The following RSU1 variants were observed in gnomAD, a reference collection of about 807,000 sequenced individuals.
RSU1 encodes Ras suppressor protein 1.
In RSU1, 26 loss-of-function variants were observed where a neutral mutation model predicts 31.1. The ratio of observed to expected loss-of-function variants is 0.84; its 90% CI spans 0.61 to 1.16. RSU1 has a LOEUF of 1.16. Among genes scored for constraint, RSU1 ranks in the 50% most tolerant of loss-of-function variants. The pLI, the probability that RSU1 is intolerant of heterozygous loss-of-function variation, is 0.00. For synonymous variants in RSU1, 164 were observed against 136.3 expected (o/e 1.20, Z -1.41); for missense variants, 320 against 339.1 (o/e 0.94, Z 0.44).
chr10:16,752,809 G>T (rs1469595607), intron 6 of RSU1, 109 bp downstream of exon 6: 2 of 1,074,020 alleles, frequency 1.9e-6, no homozygotes, highest in Non-Finnish European at 2.8e-6. Context: ...CAGGAGTAGT[G>T]GTTTATTCCC....
In RSU1 at chr10:16,646,002, A is replaced by G. The variant is rs201995945; in HGVS notation, c.731+49021T>C. ...TGTATATACATATATGTGTATATAT[A>G]TGTGTATATACATATATGTGTATAT... On this transcript the variant is annotated intron_variant, in intron 8 of 8. Coordinates refer to ENST00000345264, the MANE Select transcript of RSU1 (RefSeq NM_012425.4). 3.9e-4 allele frequency among the ~76,000 whole-genome samples: 25 copies of G among 64,780 alleles called. 3 individuals are homozygous for G. Among genetic ancestry groups the G allele is most frequent in the Admixed American group, 7.1e-4 (4 of 5,662 alleles). The allele number at this position is 64,780 out of a possible 152,430, so 42.5% of individuals were successfully genotyped here.
chr10:16,704,623 C>A (rs953054776), intron 7 of RSU1, among the ~76,000 whole-genome samples: 1 of 152,238 alleles, frequency 6.6e-6, no homozygotes, highest in Non-Finnish European at 1.5e-5. Context: ...ACCTCCCTCA[C>A]AGGGCCCAGA....
intron 8 of RSU1, among the ~76,000 whole-genome samples, chr10:16,654,010 A>AT (rs368529174): frequency 9.3e-5 from 14 of 149,856 alleles, no homozygotes; most frequent in African/African-American, 1.7e-4. Flanking sequence ...CTTCTTTTTC[A>AT]TTTTTTTTTG....
chr10:16,744,215 A>G (rs919924855), intron 7 of RSU1, among the ~76,000 whole-genome samples: 5 of 152,154 alleles, frequency 3.3e-5, no homozygotes, highest in Non-Finnish European at 7.4e-5. Context: ...TTCTTTTTCT[A>G]TAATGCTTTT....
At chr10:16,656,251 G>A (rs1026270477) in intron 8 of RSU1, among the ~76,000 whole-genome samples, 1 of 151,824 alleles carries the variant, frequency 6.6e-6, no homozygotes, top group African/African-American at 2.4e-5. Context: ...ATACAGATTT[G>A]CCTTGGGATA....
rs7092426 is a variant in RSU1 at position 16,669,593 on chromosome 10, T to C, written c.731+25430A>G. 9.0e-3 allele frequency among the ~76,000 whole-genome samples: 1,371 copies of C among 152,216 alleles called. 20 individuals are homozygous for C. Among genetic ancestry groups the C allele is most frequent in the African/African-American group, 0.032 (1,310 of 41,532 alleles). ...CATTTCTTCATCTTCTTTTTTTTGT[T>C]TGTTTTATGTGTGTGTGTTGTTCCC... is the stretch of plus-strand genomic sequence containing the variant. On this transcript the variant is annotated intron_variant, in intron 8 of 8. Coordinates refer to ENST00000345264, the MANE Select transcript of RSU1 (RefSeq NM_012425.4).
At chr10:16,765,450 A>G (rs1214156117) in intron 3 of RSU1, among the ~76,000 whole-genome samples, 1 of 152,204 alleles carries the variant, frequency 6.6e-6, no homozygotes, top group Non-Finnish European at 1.5e-5. Flanking sequence ...TGCTATGAAT[A>G]CTAGTATTCA....
At chr10:16,653,246 A>G (rs963922842) in intron 8 of RSU1, among the ~76,000 whole-genome samples, 2 of 152,230 alleles carry the variant, frequency 1.3e-5, no homozygotes, top group Non-Finnish European at 2.9e-5. Flanking sequence ...ACAACAGGCT[A>G]TTAACACTAT....
At chr10:16,783,082 G>C (rs551673224) in intron 2 of RSU1, among the ~76,000 whole-genome samples, 2 of 151,442 alleles carry the variant, frequency 1.3e-5, no homozygotes, top group South Asian at 4.2e-4. Context: ...GGCTAATTTT[G>C]TATTTTTTGT....
At chr10:16,746,981 T>C (rs951713479) in intron 7 of RSU1, among the ~76,000 whole-genome samples, 11 of 152,060 alleles carry the variant, frequency 7.2e-5, no homozygotes, top group African/African-American at 2.7e-4. Flanking sequence ...GTTAACTGCA[T>C]ATGTCAGGAA....
At chr10:16,676,012 T>C (rs576151550) in intron 8 of RSU1, among the ~76,000 whole-genome samples, 1 of 152,188 alleles carries the variant, frequency 6.6e-6, no homozygotes, top group Non-Finnish European at 1.5e-5. Flanking sequence ...CTGGCCAATC[T>C]GATTACAGTC....
chr10:16,608,947 C>T (rs1051833181), intron 8 of RSU1, among the ~76,000 whole-genome samples: 1 of 152,144 alleles, frequency 6.6e-6, no homozygotes, highest in African/African-American at 2.4e-5. Flanking sequence ...ATCCTCCTGT[C>T]TCAGCCTCCC....
At chr10:16,763,887 C>G (rs1318134636) in intron 4 of RSU1, among the ~76,000 whole-genome samples, 2 of 152,186 alleles carry the variant, frequency 1.3e-5, no homozygotes, top group Non-Finnish European at 2.9e-5. Context: ...AATCAAAACT[C>G]CTCTCTTCAC....
intron 8 of RSU1, among the ~76,000 whole-genome samples, chr10:16,691,421 C>CT (rs1410029920): frequency 7.4e-6 from 1 of 134,382 alleles, no homozygotes; most frequent in Non-Finnish European, 1.6e-5. Flanking sequence ...GACTTATTGT[C>CT]TTATCAGCTA....
In RSU1 at chr10:16,695,046, A is replaced by G. The variant is rs751221472; in HGVS notation, c.708T>C (p.Tyr236=). Residue 236 remains tyrosine, a synonymous_variant, in exon 8 of 9, where the codon TAT becomes TAC. Coordinates refer to ENST00000345264, the MANE Select transcript of RSU1 (RefSeq NM_012425.4). ...ACTATTTGTATGTCTCAGAACGGAT[A>G]TACTCAAAAACATGGGACACGCCAA... ...FQLGVSHVFE[Y]IRSETYKYLY... 6.2e-7 allele frequency: 1 copy of G among 1,613,342 alleles called. No homozygotes were observed. The highest frequency in any genetic ancestry group is 8.5e-7 in the Non-Finnish European group (1 of 1,179,606).
chr10:16,623,904 TA>T (rs1424819380), intron 8 of RSU1, among the ~76,000 whole-genome samples: 1 of 152,204 alleles, frequency 6.6e-6, no homozygotes, highest in Admixed American at 6.5e-5. Flanking sequence ...CAAGAGACAT[TA>T]AAACATAGGT....
intron 8 of RSU1, among the ~76,000 whole-genome samples, chr10:16,632,652 A>G (rs1442985211): frequency 2.0e-5 from 3 of 152,166 alleles, no homozygotes; most frequent in Admixed American, 1.3e-4. Context: ...AGAACCCTAA[A>G]GACAGGCCGA....
At chr10:16,762,908 G>A (rs1221017845) in intron 4 of RSU1, among the ~76,000 whole-genome samples, 1 of 151,798 alleles carries the variant, frequency 6.6e-6, no homozygotes, top group Non-Finnish European at 1.5e-5. Context: ...AGCTACTCGG[G>A]ACGCTGAGGG....
At position 16,752,951 on chromosome 10, in the gene RSU1, C is replaced by A. The variant is rs749474727; in HGVS notation, c.450G>T (p.Pro150=). ...ACTTTGTGAGCTTCCCAATATCTGG[C>A]GGCAGGATTTCAAAATCGTTGTCAC... ...YLSDNDFEIL[P]PDIGKLTKLQ... is the part of the protein sequence containing the mutation. The change falls in exon 6 of 9, where the codon CCG becomes CCT. Residue 150 remains proline, a synonymous_variant. Transcript: ENST00000345264. 4 of 1,613,900 alleles carry A rather than the reference C, an allele frequency of 2.5e-6. No individual in the cohort carries two copies. The highest frequency in any genetic ancestry group is 2.7e-5 in the African/African-American group (2 of 75,004).
Sources: allele counts gnomAD v4.1 joint callset (sites outside exome capture counted in the v4.1 genomes callset), GRCh38; gene constraint gnomAD v4.1.1; transcripts MANE v1.5; gene names NCBI Gene and HGNC (gene_info 2026-07-23, HGNC 2026-07-21).